Variants in INCENP observed in about 807,000 individuals in gnomAD.
INCENP encodes binds and activates aurora-B and -C in vivo and in vitro.
A neutral mutation model predicts 107.3 loss-of-function variants in INCENP; 43 were observed. The observed-to-expected ratio is 0.40, with a 90% CI of 0.31 to 0.52. INCENP has a LOEUF of 0.52. Ranked by LOEUF, INCENP falls within the 20% of genes least tolerant of loss-of-function variation. The pLI, the probability that INCENP is intolerant of heterozygous loss-of-function variation, is 0.53. For missense variants in INCENP, 1,089 were observed against 1,250.9 expected (o/e 0.87, Z 1.95); for synonymous variants, 488 against 494.4 (o/e 0.99, Z 0.17).
At position 62,152,126 on chromosome 11, in the gene INCENP, G is replaced by A. The variant is rs987530926; in HGVS notation, c.*150G>A. Reference sequence around the variant, plus strand: ...TATATAAACGTCCTCTGTGCTGGGTGTTTCTGCTGCAGGTGGCAGGTGGCC... The same window carrying A: ...TATATAAACGTCCTCTGTGCTGGGTATTTCTGCTGCAGGTGGCAGGTGGCC... On this transcript the variant is annotated 3_prime_UTR_variant, in exon 19 of 19. Coordinates refer to ENST00000394818, the MANE Select transcript of INCENP (RefSeq NM_001040694.2). 6.2e-6 allele frequency: 2 copies of A among 324,188 alleles called. No homozygotes were observed. The highest frequency in any genetic ancestry group is 1.1e-5 in the Non-Finnish European group (2 of 188,512). The allele number at this position is 324,188 out of a possible 1,614,324, so 20.1% of individuals were successfully genotyped here.
rs771971811 is a variant in INCENP, at chr11:62,129,964, C to T, written c.437C>T (p.Pro146Leu). 7.4e-6 allele frequency: 12 copies of T among 1,614,142 alleles called. No homozygotes were observed. Among genetic ancestry groups the T allele is most frequent in the Non-Finnish European group, 1.0e-5 (12 of 1,180,040 alleles). Residue 146 changes from proline to leucine, a missense_variant, in exon 4 of 19, where the codon CCT (proline) becomes CTT (leucine). Coordinates refer to ENST00000394818, the MANE Select transcript of INCENP (RefSeq NM_001040694.2). ...TTGGCTGCACCTTCTTCACCCACCC[C>T]TGAGTCTCCCACGATGCTGACTAAG... is the stretch of plus-strand genomic sequence containing the variant. ...MALAAPSSPT[P>L]ESPTMLTKKP...
intron 1 of INCENP, among the ~76,000 whole-genome samples, chr11:62,126,024 C>T (rs113537000): frequency 6.6e-5 from 10 of 152,274 alleles, no homozygotes; most frequent in African/African-American, 9.6e-5. Context: ...ATGTTCCAGA[C>T]GCAGGGCAGA....
chr11:62,145,764 G>A lies in INCENP; in HGVS notation c.1959+13G>A, dbSNP rs1005725657. ...GTGGCTGCAGCAGGTGCGAGCACAGGTGGGCCTCAGGGAGGAGGTGGGCGG... is the reference window on the plus strand; with the variant it reads ...GTGGCTGCAGCAGGTGCGAGCACAGATGGGCCTCAGGGAGGAGGTGGGCGG... On this transcript the variant is annotated intron_variant, in intron 14 of 18. Transcript: ENST00000394818. 2 of 1,550,054 alleles carry A rather than the reference G, an allele frequency of 1.3e-6. No homozygotes were observed. Among genetic ancestry groups the A allele is most frequent in the Non-Finnish European group, 1.7e-6 (2 of 1,146,994 alleles).
chr11:62,147,366 G>A (rs1450649060), intron 15 of INCENP, among the ~76,000 whole-genome samples: 3 of 152,194 alleles, frequency 2.0e-5, no homozygotes, highest in African/African-American at 2.4e-5. Flanking sequence ...CTTGGGAACC[G>A]TGGACCCAGG....
At chr11:62,126,290 G>C (rs1250143403) in intron 1 of INCENP, among the ~76,000 whole-genome samples, 2 of 151,848 alleles carry the variant, frequency 1.3e-5, no homozygotes, top group East Asian at 3.9e-4. Flanking sequence ...CTGCCTCCTA[G>C]GTTCAAGCGA....
intron 18 of INCENP, among the ~76,000 whole-genome samples, chr11:62,150,411 A>G (rs992696013): frequency 1.3e-5 from 2 of 152,166 alleles, no homozygotes; most frequent in Admixed American, 6.5e-5. Context: ...TGAGGACCAG[A>G]CCTATGAGGT....
chr11:62,149,181 C>G (rs199920210), intron 17 of INCENP, among the ~76,000 whole-genome samples: 7 of 141,596 alleles, frequency 4.9e-5, no homozygotes, highest in African/African-American at 1.8e-4. Flanking sequence ...CTCTCTCTCT[C>G]TCTTTCACCC....
chr11:62,124,144 A>G lies in INCENP; in HGVS notation c.-31A>G, dbSNP rs981403166. The stretch of plus-strand genomic sequence containing the variant: ...CCGGACTTGGATCGGAGCAGCCTTC[A>G]GGGGACGTGGCGCAGTCGAGTGAGT... On this transcript the variant is annotated 5_prime_UTR_variant, in exon 1 of 19. Transcript: ENST00000394818. The G allele has an allele frequency of 6.6e-6, 1 of 152,332 alleles. No homozygotes were observed. The allele number at this position is 152,332 out of a possible 1,614,324, so 9.4% of individuals were successfully genotyped here. A position where few individuals can be genotyped will look rare whatever the true frequency, so the allele number is the denominator to read the frequency against.
Position 62,148,472 on chromosome 11 carries a change from T to A in INCENP, c.2205-4T>A, listed in dbSNP as rs748718019. The A allele has an allele frequency of 6.3e-7, 1 of 1,599,192 alleles. No homozygotes were observed. The highest frequency in any genetic ancestry group is 8.5e-7 in the Non-Finnish European group (1 of 1,174,268). On this transcript the variant is annotated splice_polypyrimidine_tract_variant and splice_region_variant and intron_variant, in intron 15 of 18. Coordinates refer to ENST00000394818, the MANE Select transcript of INCENP (RefSeq NM_001040694.2). Reference sequence around the variant, plus strand: ...GTCCTAACAGGCTCTTGCTGGGTCCTCAGGGAGCTGCAGGAGCGGGAGAAG... The same window carrying A: ...GTCCTAACAGGCTCTTGCTGGGTCCACAGGGAGCTGCAGGAGCGGGAGAAG...
chr11:62,145,753 T>G lies in INCENP; in HGVS notation c.1959+2T>G, dbSNP rs962563498. ...CGTAGGCTCAGGTGGCTGCAGCAGG[T>G]GCGAGCACAGGTGGGCCTCAGGGAG... is the stretch of plus-strand genomic sequence containing the variant. On this transcript the variant is annotated splice_donor_variant, in intron 14 of 18. Coordinates refer to ENST00000394818, the MANE Select transcript of INCENP (RefSeq NM_001040694.2). LOFTEE classifies it high-confidence loss of function. 1.5e-5 allele frequency: 24 copies of G among 1,551,546 alleles called. No individual in the cohort carries two copies. Among genetic ancestry groups the G allele is most frequent in the Non-Finnish European group, 2.1e-5 (24 of 1,147,568 alleles).
chr11:62,133,777 C>T (rs1943937309), intron 4 of INCENP, among the ~76,000 whole-genome samples: 1 of 152,150 alleles, frequency 6.6e-6, no homozygotes, highest in South Asian at 2.1e-4. Context: ...GGGGTCATCA[C>T]CACCCATGAC....
rs199518247 is a variant in INCENP at position 62,140,770 on chromosome 11, G to A, written c.1410G>A (p.Glu470=). ...AGGAGCAGCACCTGGAGGATGAGGA[G>A]CTGCAGCCCCCCAGGAGCAAGACCC... The part of the protein sequence containing the change: ...LDEEQHLEDE[E]LQPPRSKTPS... The change falls in exon 9 of 19, where the codon GAG becomes GAA. Residue 470 remains glutamate (E), a synonymous_variant. Transcript: ENST00000394818. 45 of 1,610,634 alleles carry A rather than the reference G, an allele frequency of 2.8e-5. No individual in the cohort carries two copies. Among genetic ancestry groups the A allele is most frequent in the Admixed American group, 5.0e-5 (3 of 59,716 alleles).
intron 4 of INCENP, among the ~76,000 whole-genome samples, chr11:62,132,572 AG>A (rs1200550818): frequency 6.6e-6 from 1 of 152,176 alleles, no homozygotes; most frequent in Non-Finnish European, 1.5e-5. Context: ...GATCTTGGGA[AG>A]GGGCTTCAAG....
chr11:62,136,597 C>T (rs972833605), intron 4 of INCENP, among the ~76,000 whole-genome samples: 1 of 152,172 alleles, frequency 6.6e-6, no homozygotes, highest in African/African-American at 2.4e-5. Context: ...ACCAGAATCC[C>T]TTGAACCCAT....
intron 4 of INCENP, among the ~76,000 whole-genome samples, chr11:62,136,315 C>T (rs1282644367): frequency 6.6e-6 from 1 of 152,174 alleles, no homozygotes; most frequent in Non-Finnish European, 1.5e-5. Context: ...TTTGCAGCAA[C>T]AGGCATTGTG....
At chr11:62,146,115 T>C (rs1944237275) in intron 14 of INCENP, among the ~76,000 whole-genome samples, 1 of 152,248 alleles carries the variant, frequency 6.6e-6, no homozygotes, top group Admixed American at 6.5e-5. Context: ...TAGTGTCTGA[T>C]GCCTGCTAAG....
chr11:62,144,782 G>GCT lies in INCENP; in HGVS notation c.1606-198_1606-197dup, dbSNP rs147219787. ...TCAGGCCCTTGCGAGGTAGCTGAGT[G>GCT]CTCCTGGGAGGAAAGGCGGGAGCTG... On this transcript the variant is annotated intron_variant, in intron 11 of 18. Coordinates refer to ENST00000394818, the MANE Select transcript of INCENP (RefSeq NM_001040694.2). The GCT allele has an allele frequency of 2.3e-4, 173 of 762,808 alleles. 1 individual carries two copies. The African/African-American group carries it at 2.6e-3, about 12-fold the overall frequency. 47.3% of individuals were successfully genotyped at this position (762,808 alleles called of 1,614,324 possible). A position where few individuals can be genotyped will look rare whatever the true frequency, so the allele number is the denominator to read the frequency against.
intron 4 of INCENP, among the ~76,000 whole-genome samples, chr11:62,137,143 C>T (rs532619441): frequency 1.6e-4 from 25 of 152,248 alleles, no homozygotes; most frequent in African/African-American, 4.6e-4. Flanking sequence ...CACTTGAGGT[C>T]AGGAGTTCGA....
At chr11:62,139,580 C>T (rs1202575576) in intron 7 of INCENP, among the ~76,000 whole-genome samples, 1 of 152,226 alleles carries the variant, frequency 6.6e-6, no homozygotes, top group African/African-American at 2.4e-5. Context: ...CATGCCAGCC[C>T]TGCAGCCCCA....
Sources: gnomAD v4.1 joint callset for allele counts (sites outside exome capture counted in the v4.1 genomes callset) on GRCh38, gnomAD v4.1.1 for gene constraint, MANE v1.5 for transcripts, NCBI Gene and HGNC (gene_info 2026-07-23, HGNC 2026-07-21) for gene names.